The following CEP112 variants were observed in gnomAD, a reference collection of about 807,000 sequenced individuals.
CEP112 encodes the protein centrosomal protein of 112 kDa.
In CEP112, 127 loss-of-function variants were observed where a neutral mutation model predicts 153.0. The ratio of observed to expected loss-of-function variants is 0.83; its 90% CI spans 0.72 to 0.96. The LOEUF (loss-of-function observed/expected upper bound fraction) is 0.96. Among genes scored for constraint, CEP112 ranks in the 40% least tolerant of loss-of-function variants. The pLI, the probability that CEP112 is intolerant of heterozygous loss-of-function variation, is 0.00. For missense variants in CEP112, 1,089 were observed against 1,101.2 expected, an observed-to-expected ratio of 0.99 and a Z score of 0.16; for synonymous variants, 358 against 374.4, an observed-to-expected ratio of 0.96 and a Z score of 0.51.
chr17:65,797,556 T>G (rs2055011556), intron 21 of CEP112, among the ~76,000 whole-genome samples: 1 of 152,236 alleles, frequency 6.6e-6, no homozygotes, highest in African/African-American at 2.4e-5. Context: ...TCAAAATGTC[T>G]TGCTTTTCCT....
intron 21 of CEP112, among the ~76,000 whole-genome samples, chr17:65,821,540 ATTTTTTTTTTTTTTT>A (rs869059954): frequency 1.8e-3 from 60 of 33,624 alleles, no homozygotes; most frequent in Non-Finnish European, 2.2e-3. Context: ...ATATATATAT[ATTTTTTTTTTTTTTT>A]TTTTTTTTTT....
intron 23 of CEP112, among the ~76,000 whole-genome samples, chr17:65,730,109 C>T (rs1284999021): frequency 6.6e-6 from 1 of 152,186 alleles, no homozygotes; most frequent in Non-Finnish European, 1.5e-5. Context: ...GATTCCTTAA[C>T]GTACACAAGG....
chr17:65,961,336 C>T (rs927113338), intron 18 of CEP112, 127 bp downstream of exon 18: 5 of 885,874 alleles, frequency 5.6e-6, no homozygotes, highest in Non-Finnish European at 8.5e-6. Context: ...ATCTCTGACC[C>T]GATTGTATGG....
chr17:66,103,370 A>G (rs1450214910), intron 6 of CEP112, among the ~76,000 whole-genome samples: 1 of 152,146 alleles, frequency 6.6e-6, no homozygotes, highest in Non-Finnish European at 1.5e-5. Context: ...GAAAAGGAAA[A>G]AGGAGGAGGA....
chr17:65,847,872 T>C (rs1005551389), intron 21 of CEP112, among the ~76,000 whole-genome samples: 1 of 152,118 alleles, frequency 6.6e-6, no homozygotes, highest in African/African-American at 2.4e-5. Context: ...GAAAAAATCA[T>C]GTGGAGAAGC....
intron 17 of CEP112, among the ~76,000 whole-genome samples, chr17:65,962,865 C>A (rs1483111617): frequency 6.6e-6 from 1 of 152,182 alleles, no homozygotes; most frequent in Non-Finnish European, 1.5e-5. Context: ...TCCCCAGCCA[C>A]GTGGAACTGT....
At chr17:65,851,749 T>A (rs1172130833) in intron 21 of CEP112, 55 bp downstream of exon 21, 2 of 1,286,474 alleles carry the variant, frequency 1.6e-6, no homozygotes, top group East Asian at 2.3e-5. Context: ...GTGGTGGCAA[T>A]GGATTTTAAA....
At chr17:66,163,324 T>C (rs2071793239) in intron 4 of CEP112, among the ~76,000 whole-genome samples, 3 of 152,108 alleles carry the variant, frequency 2.0e-5, no homozygotes. Context: ...AAAACCAAAA[T>C]GAGAACTTCT....
At chr17:65,640,835 T>C (rs1183650303) in intron 25 of CEP112, 129 bp downstream of exon 25, 1 of 612,400 alleles carries the variant, frequency 1.6e-6, no homozygotes, top group Non-Finnish European at 2.9e-6. Flanking sequence ...TGAAAATTTA[T>C]CCTGAGTAGT....
intron 21 of CEP112, among the ~76,000 whole-genome samples, chr17:65,761,616 A>G (rs947557465): frequency 6.6e-6 from 1 of 152,118 alleles, no homozygotes; most frequent in Non-Finnish European, 1.5e-5. Flanking sequence ...TTAGTCCAAA[A>G]TATTTTTAAA....
intron 1 of CEP112, among the ~76,000 whole-genome samples, chr17:66,187,587 G>C (rs2072986315): frequency 6.6e-6 from 1 of 152,088 alleles, no homozygotes; most frequent in Admixed American, 6.5e-5. Context: ...ATTCCTTCTC[G>C]GTCTCTCAAT....
chr17:65,771,694 A>G (rs1487653375), intron 21 of CEP112, among the ~76,000 whole-genome samples: 2 of 152,168 alleles, frequency 1.3e-5, no homozygotes, highest in Non-Finnish European at 2.9e-5. Context: ...AAAGTAAAAG[A>G]TAGACATATA....
intron 4 of CEP112, among the ~76,000 whole-genome samples, chr17:66,149,176 C>T (rs867032781): frequency 1.7e-4 from 26 of 152,106 alleles, no homozygotes; most frequent in Admixed American, 1.6e-3. Flanking sequence ...TTGCAAGTTA[C>T]GAATAAATCT....
chr17:65,906,263 G>T (rs2060076556), intron 19 of CEP112, among the ~76,000 whole-genome samples: 1 of 135,570 alleles, frequency 7.4e-6, no homozygotes, highest in Admixed American at 7.3e-5. Context: ...ACAGGGGCCT[G>T]TCGGGGGGGT....
chr17:65,910,167 A>C (rs2060232507), intron 19 of CEP112, among the ~76,000 whole-genome samples: 1 of 152,196 alleles, frequency 6.6e-6, no homozygotes, highest in Admixed American at 6.5e-5. Context: ...TTTCTCTGAC[A>C]GAAGTTGTTC....
intron 21 of CEP112, among the ~76,000 whole-genome samples, chr17:65,775,195 G>A (rs1025480137): frequency 2.0e-5 from 3 of 151,950 alleles, no homozygotes; most frequent in African/African-American, 4.8e-5. Flanking sequence ...AAGAGAGAGC[G>A]AGCCAACTGG....
chr17:65,978,165 G>A (rs1411024472), intron 17 of CEP112, among the ~76,000 whole-genome samples: 4 of 152,126 alleles, frequency 2.6e-5, no homozygotes, highest in Admixed American at 6.5e-5. Context: ...GCTGAGGCAG[G>A]AGGATCACTT....
intron 17 of CEP112, among the ~76,000 whole-genome samples, chr17:65,974,260 T>C (rs1172146197): frequency 1.3e-5 from 2 of 150,306 alleles, no homozygotes; most frequent in African/African-American, 2.4e-5. Flanking sequence ...GCATTTTTTG[T>C]AGAGACAGGG....
intron 17 of CEP112, among the ~76,000 whole-genome samples, chr17:65,989,004 C>G (rs928981078): frequency 9.9e-5 from 15 of 151,960 alleles, no homozygotes; most frequent in South Asian, 2.1e-4. Context: ...GCGGGCAGAT[C>G]ACCAGGTCAG....
Sources: gnomAD v4.1 joint callset for allele counts (sites outside exome capture counted in the v4.1 genomes callset) on GRCh38, gnomAD v4.1.1 for gene constraint, MANE v1.5 for transcripts, NCBI Gene and HGNC (gene_info 2026-07-23, HGNC 2026-07-21) for gene names.